Variants in GABRB1 observed in about 807,000 individuals in gnomAD.
GABRB1 encodes gamma-aminobutyric acid receptor subunit beta-1.
A neutral mutation model predicts 51.6 loss-of-function variants in GABRB1; 17 were observed. That is an observed-to-expected ratio of 0.33 (90% CI 0.23 to 0.49). GABRB1 has a LOEUF of 0.49. Ranked by LOEUF, GABRB1 falls within the 20% of genes least tolerant of loss-of-function variation. The pLI is 0.99. For synonymous variants in GABRB1, 247 were observed against 218.9 expected, an observed-to-expected ratio of 1.13 and a Z score of -1.14; for missense variants, 410 against 600.6, an observed-to-expected ratio of 0.68 and a Z score of 3.32.
intron 5 of GABRB1, among the ~76,000 whole-genome samples, chr4:47,359,968 T>G (rs1197914422): frequency 7.2e-5 from 11 of 152,058 alleles, no homozygotes; most frequent in Admixed American, 7.2e-4. Context: ...TGCATCAGAC[T>G]TGAAGTAAAA....
In GABRB1 at chr4:47,323,930, C is replaced by T. The variant is rs73815432; in HGVS notation, c.544+3721C>T. Among the ~76,000 whole-genome samples the T allele has an allele frequency of 6.5e-3, 991 of 152,144 alleles. 16 individuals carry two copies. The highest frequency in any genetic ancestry group is 0.023 in the African/African-American group (937 of 41,484). On this transcript the variant is annotated intron_variant, in intron 5 of 8. Coordinates refer to ENST00000295454, the MANE Select transcript of GABRB1 (RefSeq NM_000812.4). ...GTTAATGGCATATACAAAAATCAAT[C>T]AAGGAATTTAGTCTAAAGCGTATTT...
intron 3 of GABRB1, among the ~76,000 whole-genome samples, chr4:47,080,263 C>T (rs1045854910): frequency 9.3e-5 from 14 of 150,528 alleles, no homozygotes; most frequent in African/African-American, 3.2e-4. Flanking sequence ...TAGAATAAAA[C>T]TCCATCCTTT....
chr4:47,341,906 T>C lies in GABRB1; in HGVS notation c.544+21697T>C, dbSNP rs1041533967. Among the ~76,000 whole-genome samples, 3 of 152,154 alleles carry C rather than the reference T, an allele frequency of 2.0e-5. No homozygotes were observed. In the East Asian group the frequency reaches 5.8e-4, roughly 29 times the overall value. On this transcript the variant is annotated intron_variant, in intron 5 of 8. Coordinates refer to ENST00000295454, the MANE Select transcript of GABRB1 (RefSeq NM_000812.4). The stretch of plus-strand genomic sequence containing the variant: ...AGATCTATGCCTGGCAAAAATCCTT[T>C]TAGGGAACACAAGCACTTATAACAG...
chr4:47,063,599 T>C lies in GABRB1; in HGVS notation c.240+31115T>C, dbSNP rs140172481. ...CTATCTGACAGGAGTGAGGAGAGCA[T>C]GATGAAGGTAGAAAGAGGAGTGAAA... On this transcript the variant is annotated intron_variant, in intron 3 of 8. Transcript: ENST00000295454. Among the ~76,000 whole-genome samples, 566 of 152,022 alleles carry C rather than the reference T, an allele frequency of 3.7e-3. 1 individual carries two copies. The highest frequency in any genetic ancestry group is 0.024 in the East Asian group (124 of 5,166).
chr4:47,119,299 C>T (rs1715650100), intron 3 of GABRB1, among the ~76,000 whole-genome samples: 1 of 151,326 alleles, frequency 6.6e-6, no homozygotes, highest in Non-Finnish European at 1.5e-5. Context: ...TACATAAAAC[C>T]CAAAGTAAAA....
At chr4:47,094,047 T>A (rs1294028252) in intron 3 of GABRB1, among the ~76,000 whole-genome samples, 1 of 151,806 alleles carries the variant, frequency 6.6e-6, no homozygotes, top group African/African-American at 2.4e-5. Context: ...GGCAAGAGGA[T>A]GGCAAGGAGG....
At chr4:47,423,343 C>G (rs1012840872) in intron 8 of GABRB1, among the ~76,000 whole-genome samples, 4 of 152,078 alleles carry the variant, frequency 2.6e-5, no homozygotes, top group African/African-American at 7.2e-5. Flanking sequence ...AGCTGCAGTC[C>G]CCTCCTTAGA....
intron 4 of GABRB1, among the ~76,000 whole-genome samples, chr4:47,298,476 C>G (rs1393163010): frequency 1.3e-5 from 2 of 152,172 alleles, no homozygotes; most frequent in African/African-American, 4.8e-5. Flanking sequence ...CATAAGTGAA[C>G]TCCCATTCAC....
chr4:47,244,597 C>T (rs1721666550), intron 4 of GABRB1, among the ~76,000 whole-genome samples: 1 of 152,036 alleles, frequency 6.6e-6, no homozygotes, highest in African/African-American at 2.4e-5. Context: ...CAACTTCTTC[C>T]TGGTTTAGTC....
chr4:47,167,281 T>C (rs1018945709), intron 4 of GABRB1, among the ~76,000 whole-genome samples: 10 of 152,140 alleles, frequency 6.6e-5, no homozygotes, highest in African/African-American at 2.4e-4. Context: ...GATGGTTGCA[T>C]ACACTTATTC....
intron 4 of GABRB1, among the ~76,000 whole-genome samples, chr4:47,224,827 A>T (rs1435260456): frequency 6.6e-6 from 1 of 152,072 alleles, no homozygotes; most frequent in Non-Finnish European, 1.5e-5. Flanking sequence ...TTCCTCTTGT[A>T]ATGACCTAAC....
At chr4:47,254,373 T>G (rs1480654535) in intron 4 of GABRB1, among the ~76,000 whole-genome samples, 8 of 123,702 alleles carry the variant, frequency 6.5e-5, no homozygotes, top group South Asian at 6.0e-4. Flanking sequence ...TTTTTTTTTT[T>G]TTTTTTTTTT....
chr4:47,016,799 A>G (rs1159823810), intron 1 of GABRB1, among the ~76,000 whole-genome samples: 1 of 152,086 alleles, frequency 6.6e-6, no homozygotes, highest in Non-Finnish European at 1.5e-5. Context: ...CTTATGGGCC[A>G]GGCTGGTCTC....
At position 47,320,122 on chromosome 4, in the gene GABRB1, A is replaced by G. The variant is rs112142100; in HGVS notation, c.462-5A>G. The G allele has an allele frequency of 5.0e-5, 79 of 1,573,086 alleles. No homozygotes were observed. In the African/African-American group the frequency reaches 8.1e-4, roughly 16 times the overall value. Reference sequence around the variant, plus strand: ...GTTTTCTTTTTTCTCTCTCCTCTCTATCAGAATCACAACCACAGCTGCATG... The same window carrying G: ...GTTTTCTTTTTTCTCTCTCCTCTCTGTCAGAATCACAACCACAGCTGCATG... On this transcript the variant is annotated splice_region_variant and splice_polypyrimidine_tract_variant and intron_variant, in intron 4 of 8. Coordinates refer to ENST00000295454, the MANE Select transcript of GABRB1 (RefSeq NM_000812.4).
intron 4 of GABRB1, among the ~76,000 whole-genome samples, chr4:47,190,181 A>T (rs1719381705): frequency 6.6e-6 from 1 of 152,124 alleles, no homozygotes; most frequent in Admixed American, 6.6e-5. Flanking sequence ...ATACCTGACA[A>T]GGTTTCCCTG....
At chr4:47,209,322 C>T (rs1437955289) in intron 4 of GABRB1, among the ~76,000 whole-genome samples, 1 of 151,986 alleles carries the variant, frequency 6.6e-6, no homozygotes, top group African/African-American at 2.4e-5. Flanking sequence ...CTGAAATGTT[C>T]CTGGATACCT....
intron 4 of GABRB1, among the ~76,000 whole-genome samples, chr4:47,196,910 G>T (rs148741865): frequency 3.3e-5 from 5 of 152,316 alleles, no homozygotes; most frequent in African/African-American, 1.2e-4. Context: ...TCACTAGAAT[G>T]TCAGCTCCTT....
At chr4:47,225,464 A>C (rs1474345611) in intron 4 of GABRB1, among the ~76,000 whole-genome samples, 1 of 152,194 alleles carries the variant, frequency 6.6e-6, no homozygotes, top group Non-Finnish European at 1.5e-5. Flanking sequence ...TTATTAACTA[A>C]GAATGGAAGA....
chr4:47,063,787 A>G (rs190215418), intron 3 of GABRB1, among the ~76,000 whole-genome samples: 72 of 152,200 alleles, frequency 4.7e-4, no homozygotes, highest in Non-Finnish European at 9.7e-4. Context: ...ACACGGGAAC[A>G]GAAAACCAAA....
Sources: gnomAD v4.1 joint callset for allele counts (sites outside exome capture counted in the v4.1 genomes callset) on GRCh38, gnomAD v4.1.1 for gene constraint, MANE v1.5 for transcripts, NCBI Gene and HGNC (gene_info 2026-07-23, HGNC 2026-07-21) for gene names.